Variants in TACC2 observed in about 807,000 individuals in gnomAD.
TACC2 encodes the protein transforming acidic coiled-coil-containing protein 2.
In TACC2, 137 loss-of-function variants were observed where a neutral mutation model predicts 227.3. That is an observed-to-expected ratio of 0.60 (90% CI 0.52 to 0.69). The LOEUF (loss-of-function observed/expected upper bound fraction) is 0.69. TACC2 is among the 30% of genes least tolerant of loss of function. The pLI, the probability that TACC2 is intolerant of heterozygous loss-of-function variation, is 0.00. For synonymous variants in TACC2, 1,523 were observed against 1,487.5 expected, an observed-to-expected ratio of 1.02 and a Z score of -0.55; for missense variants, 3,470 against 3,694.4, an observed-to-expected ratio of 0.94 and a Z score of 1.57.
chr10:122,158,259 T>C (rs1245110439), intron 7 of TACC2, among the ~76,000 whole-genome samples: 1 of 151,890 alleles, frequency 6.6e-6, no homozygotes, highest in African/African-American at 2.4e-5. Context: ...CGTGGTGGCG[T>C]GCACCTGTGG....
intron 1 of TACC2, among the ~76,000 whole-genome samples, chr10:122,017,465 G>A (rs899016010): frequency 1.4e-5 from 2 of 143,438 alleles, no homozygotes; most frequent in African/African-American, 2.5e-5. Context: ...AAGACTTGCC[G>A]CCATTCCCAA....
intron 7 of TACC2, 150 bp downstream of exon 7, chr10:122,143,856 G>C: frequency 1.2e-6 from 1 of 869,556 alleles, no homozygotes; most frequent in East Asian, 2.7e-5. Flanking sequence ...TGACCCTTTG[G>C]GCCATAGCCG....
intron 16 of TACC2, among the ~76,000 whole-genome samples, chr10:122,236,767 T>A (rs1193987502): frequency 6.6e-6 from 1 of 152,150 alleles, no homozygotes; most frequent in Admixed American, 6.5e-5. Flanking sequence ...CGTAACAGAC[T>A]TCATGGCAAC....
At chr10:122,176,115 C>CTATATATATATA (rs1232356115) in intron 7 of TACC2, among the ~76,000 whole-genome samples, 2 of 47,188 alleles carry the variant, frequency 4.2e-5, no homozygotes, top group Non-Finnish European at 7.5e-5. Flanking sequence ...CTCTCTCTCT[C>CTATATATATATA]TCTATATATA....
At chr10:122,133,721 G>T (rs2088891822) in intron 6 of TACC2, among the ~76,000 whole-genome samples, 1 of 152,182 alleles carries the variant, frequency 6.6e-6, no homozygotes, top group Non-Finnish European at 1.5e-5. Flanking sequence ...GCTGAGAGAA[G>T]CCTGCATCTG....
intron 19 of TACC2, among the ~76,000 whole-genome samples, chr10:122,242,765 AAATT>A (rs781394947): frequency 2.0e-4 from 31 of 152,138 alleles, no homozygotes; most frequent in East Asian, 5.8e-4. Flanking sequence ...GATTTTTTTA[AAATT>A]AATTAATTAT....
intron 7 of TACC2, among the ~76,000 whole-genome samples, chr10:122,162,767 G>T (rs1038335940): frequency 6.6e-6 from 1 of 152,158 alleles, no homozygotes; most frequent in African/African-American, 2.4e-5. Context: ...TGGTGATGGG[G>T]TGTCACGGAC....
rs201242530 is a variant in TACC2, at chr10:122,132,698, T to C, written c.5663T>C (p.Val1888Ala). The C allele has an allele frequency of 1.5e-5, 25 of 1,614,160 alleles. No homozygotes were observed. In the East Asian group the frequency reaches 5.1e-4, roughly 33 times the overall value. The change falls in exon 6 of 23, where the codon GTT (valine) becomes GCT (alanine). Residue 1888 changes from valine (V) to alanine (A), a missense_variant. Physicochemically the swap from Val to Ala is moderately conservative, Grantham distance 64. Transcript: ENST00000369005. ...GCTGCCTCTTCCTACCACGGTGATG[T>C]TGTTGGCCAGGTCTCTACGGATCTG... Reference protein sequence around the residue: ...TLAASSYHGDVVGQVSTDLIA... With the variant: ...TLAASSYHGDAVGQVSTDLIA...
chr10:122,045,201 T>C (rs1053751543), intron 2 of TACC2, among the ~76,000 whole-genome samples: 2 of 152,240 alleles, frequency 1.3e-5, no homozygotes, highest in African/African-American at 4.8e-5. Context: ...GCCTCTTCTG[T>C]GCCAGGTGCT....
At chr10:122,058,894 GTTT>G (rs34253781) in intron 3 of TACC2, among the ~76,000 whole-genome samples, 9 of 136,778 alleles carry the variant, frequency 6.6e-5, no homozygotes, top group Non-Finnish European at 9.5e-5. Flanking sequence ...CCCTCTGTGT[GTTT>G]TTTTTTTTTT....
chr10:122,176,536 C>G (rs2093727246), intron 7 of TACC2, among the ~76,000 whole-genome samples: 1 of 152,024 alleles, frequency 6.6e-6, no homozygotes. Context: ...CATCAAGAGT[C>G]GTAGCATTTT....
At chr10:122,054,152 C>T (rs2075989444) in intron 3 of TACC2, among the ~76,000 whole-genome samples, 1 of 152,202 alleles carries the variant, frequency 6.6e-6, no homozygotes, top group Non-Finnish European at 1.5e-5. Flanking sequence ...TTACTCATCC[C>T]CAAAGTTCTT....
At chr10:122,145,327 C>T (rs1303843582) in intron 7 of TACC2, among the ~76,000 whole-genome samples, 1 of 152,174 alleles carries the variant, frequency 6.6e-6, no homozygotes, top group Non-Finnish European at 1.5e-5. Flanking sequence ...AGGAATATTA[C>T]TCACCCATAA....
chr10:122,114,882 A>G (rs944133445), intron 5 of TACC2, among the ~76,000 whole-genome samples: 16 of 152,382 alleles, frequency 1.0e-4, no homozygotes, highest in Middle Eastern at 6.8e-3. Context: ...CTCTCTTAAA[A>G]AAATAATGTT....
intron 5 of TACC2, among the ~76,000 whole-genome samples, chr10:122,098,495 C>T (rs868091): frequency 0.015 from 2,337 of 152,244 alleles, 62 homozygotes; most frequent in African/African-American, 0.053. Flanking sequence ...GTCTAACTCA[C>T]GGCTCTGCTA....
In TACC2 at chr10:122,088,850, G is replaced by T. The variant is rs964322105; in HGVS notation, c.5573+259G>T. ...AATTTAAAAAGTCAGTCTGGGTGCG[G>T]TGGCTCATGCCTGTAATCCCAACAC... On this transcript the variant is annotated intron_variant, in intron 5 of 22. Transcript: ENST00000369005. The T allele has an allele frequency of 4.3e-6, 5 of 1,159,656 alleles. No individual in the cohort carries two copies. The African/African-American group carries it at 7.8e-5, about 18-fold the overall frequency. 71.8% of individuals were successfully genotyped at this position (1,159,656 alleles called of 1,614,324 possible).
chr10:122,031,025 AC>A (rs1366503110), intron 2 of TACC2, among the ~76,000 whole-genome samples: 1 of 151,130 alleles, frequency 6.6e-6, no homozygotes, highest in African/African-American at 2.4e-5. Context: ...ACCTACTTCC[AC>A]CCCCCCATCT....
At chr10:122,064,556 A>G (rs1224509537) in intron 3 of TACC2, among the ~76,000 whole-genome samples, 5 of 152,346 alleles carry the variant, frequency 3.3e-5, no homozygotes, top group Middle Eastern at 6.8e-3. Flanking sequence ...AGCCTACTCT[A>G]TAACTATTTG....
intron 8 of TACC2, among the ~76,000 whole-genome samples, chr10:122,201,376 A>G (rs2094843564): frequency 6.6e-6 from 1 of 150,768 alleles, no homozygotes; most frequent in African/African-American, 2.4e-5. Context: ...GGCTGCATTC[A>G]CATGGGGAGG....
Sources: gnomAD v4.1 joint callset for allele counts (sites outside exome capture counted in the v4.1 genomes callset) on GRCh38, gnomAD v4.1.1 for gene constraint, MANE v1.5 for transcripts, NCBI Gene and HGNC (gene_info 2026-07-23, HGNC 2026-07-21) for gene names.